Variants in YEATS2 observed in about 807,000 individuals in gnomAD.
The protein encoded by YEATS2 is YEATS domain containing 2.
A neutral mutation model predicts 163.2 loss-of-function variants in YEATS2; 77 were observed. The observed-to-expected ratio is 0.47, with a 90% CI of 0.39 to 0.57. The LOEUF (loss-of-function observed/expected upper bound fraction) is 0.57. Among genes scored for constraint, YEATS2 ranks in the 20% least tolerant of loss-of-function variants. YEATS2 has a pLI of 0.00. For synonymous variants in YEATS2, 631 were observed against 645.1 expected (o/e 0.98, Z 0.33); for missense variants, 1,549 against 1,729.8 (o/e 0.90, Z 1.85).
chr3:183,800,389 G>C (rs1307168799), intron 23 of YEATS2, 77 bp from the exon 24 acceptor site: 3 of 1,047,734 alleles, frequency 2.9e-6, no homozygotes, highest in Non-Finnish European at 4.3e-6. Flanking sequence ...TTCACTGTAA[G>C]AGCTTTGTTT....
chr3:183,722,492 T>G (rs1226460087), intron 5 of YEATS2, among the ~76,000 whole-genome samples: 2 of 152,044 alleles, frequency 1.3e-5, no homozygotes, highest in Admixed American at 1.3e-4. Flanking sequence ...GATTTCACCG[T>G]GTTAGCCAGG....
chr3:183,741,031 TG>T (rs1718900682), intron 8 of YEATS2, among the ~76,000 whole-genome samples: 1 of 152,072 alleles, frequency 6.6e-6, no homozygotes, highest in African/African-American at 2.4e-5. Flanking sequence ...CTTTGTATCC[TG>T]GGTTCAAGCA....
chr3:183,757,477 G>A (rs1040165614), intron 12 of YEATS2, among the ~76,000 whole-genome samples: 2 of 150,572 alleles, frequency 1.3e-5, no homozygotes, highest in African/African-American at 2.4e-5. Flanking sequence ...TTTTAGTAGA[G>A]ATGGGGTTTC....
intron 7 of YEATS2, among the ~76,000 whole-genome samples, chr3:183,730,657 A>G (rs893143361): frequency 1.3e-5 from 2 of 152,164 alleles, no homozygotes; most frequent in Non-Finnish European, 2.9e-5. Context: ...GATAATTGCA[A>G]CAGAGGACAA....
chr3:183,808,700 A>AC, intron 29 of YEATS2: 1 of 188,818 alleles, frequency 5.3e-6, no homozygotes. Context: ...TACTAAAAAT[A>AC]AAAAATTAGC....
intron 19 of YEATS2, among the ~76,000 whole-genome samples, chr3:183,784,784 A>G (rs1723898526): frequency 6.6e-6 from 1 of 151,898 alleles, no homozygotes; most frequent in Non-Finnish European, 1.5e-5. Context: ...CATTAAAAAA[A>G]AAAAAAAAGC....
chr3:183,753,698 A>G lies in YEATS2; in HGVS notation c.1151-428A>G, dbSNP rs545837278. Among the ~76,000 whole-genome samples, 4 of 152,362 alleles carry G rather than the reference A, an allele frequency of 2.6e-5. No individual in the cohort carries two copies. In the East Asian group the frequency reaches 7.7e-4, roughly 29 times the overall value. On this transcript the variant is annotated intron_variant, in intron 10 of 30. Coordinates refer to ENST00000305135, the MANE Select transcript of YEATS2 (RefSeq NM_018023.5). The stretch of plus-strand genomic sequence containing the variant: ...GGGAGGTGGAGGTAGCAGTGAGCTG[A>G]GATCACACCACTGCACTCTAGCCTG...
At chr3:183,774,297 A>G (rs976613324) in intron 17 of YEATS2, among the ~76,000 whole-genome samples, 2 of 152,192 alleles carry the variant, frequency 1.3e-5, no homozygotes, top group Admixed American at 6.5e-5. Context: ...CAGCAGTGGC[A>G]TCAGATTCTC....
At chr3:183,750,486 A>G (rs1358992974) in intron 9 of YEATS2, among the ~76,000 whole-genome samples, 1 of 152,226 alleles carries the variant, frequency 6.6e-6, no homozygotes, top group Non-Finnish European at 1.5e-5. Flanking sequence ...TTCTATTTTT[A>G]GAGGAACCAC....
chr3:183,712,225 T>G (rs952263161), intron 1 of YEATS2, among the ~76,000 whole-genome samples: 1 of 150,092 alleles, frequency 6.7e-6, no homozygotes, highest in African/African-American at 2.5e-5. Flanking sequence ...TTATTTTATT[T>G]TTTGAGACAG....
At chr3:183,778,924 G>A (rs1723278868) in intron 19 of YEATS2, among the ~76,000 whole-genome samples, 1 of 151,848 alleles carries the variant, frequency 6.6e-6, no homozygotes, top group South Asian at 2.1e-4. Context: ...TACTAGATAC[G>A]GGACTGTTCA....
chr3:183,718,824 A>G (rs1044758525), intron 4 of YEATS2, among the ~76,000 whole-genome samples: 1 of 152,122 alleles, frequency 6.6e-6, no homozygotes, highest in Non-Finnish European at 1.5e-5. Context: ...CCTCCTGAGT[A>G]GCTGGGATTA....
chr3:183,788,330 A>G (rs554158206), intron 20 of YEATS2, among the ~76,000 whole-genome samples: 72 of 151,556 alleles, frequency 4.8e-4, no homozygotes, highest in Middle Eastern at 6.8e-3. Flanking sequence ...TCTGGTAACC[A>G]CCATTCTTCT....
At chr3:183,805,139 C>T (rs1422308957) in intron 27 of YEATS2, among the ~76,000 whole-genome samples, 2 of 151,960 alleles carry the variant, frequency 1.3e-5, no homozygotes, top group South Asian at 2.1e-4. Flanking sequence ...GTGGCTCATG[C>T]CCGTAATCCC....
chr3:183,769,730 G>T (rs1722260215), intron 15 of YEATS2, among the ~76,000 whole-genome samples: 1 of 151,952 alleles, frequency 6.6e-6, no homozygotes, highest in Admixed American at 6.6e-5. Flanking sequence ...GTCTTGCTCT[G>T]TCGCCAGGCT....
At chr3:183,739,287 A>G (rs979197135) in intron 8 of YEATS2, among the ~76,000 whole-genome samples, 6 of 151,210 alleles carry the variant, frequency 4.0e-5, no homozygotes, top group South Asian at 2.1e-4. Flanking sequence ...TCAGTGTACA[A>G]AAATCACAAG....
At chr3:183,804,615 G>A (rs1375306461) in intron 27 of YEATS2, among the ~76,000 whole-genome samples, 4 of 152,174 alleles carry the variant, frequency 2.6e-5, no homozygotes, top group South Asian at 2.1e-4. Flanking sequence ...AACCCAGCTC[G>A]GAGGACGCCA....
chr3:183,754,822 T>C (rs1162126556), intron 11 of YEATS2, among the ~76,000 whole-genome samples: 1 of 152,240 alleles, frequency 6.6e-6, no homozygotes, highest in African/African-American at 2.4e-5. Flanking sequence ...TCATTCCTAT[T>C]GTCAGTAGGT....
intron 30 of YEATS2, 67 bp downstream of exon 30, chr3:183,809,237 G>T (rs907732861): frequency 2.4e-5 from 37 of 1,534,048 alleles, no homozygotes; most frequent in Non-Finnish European, 3.2e-5. Flanking sequence ...AATTGCCCAT[G>T]AAGGTGTTTT....
Sources: gnomAD v4.1 joint callset for allele counts (sites outside exome capture counted in the v4.1 genomes callset) on GRCh38, gnomAD v4.1.1 for gene constraint, MANE v1.5 for transcripts, NCBI Gene and HGNC (gene_info 2026-07-23, HGNC 2026-07-21) for gene names.